ATXN1: variants seen among roughly 807,000 people sequenced by gnomAD.
ATXN1 encodes the protein ataxin 1, also known as ataxin-1.
Under a neutral mutation model 56.4 loss-of-function variants are expected in ATXN1, and 8 were observed. The observed-to-expected ratio is 0.14, with a 90% CI of 0.08 to 0.26. The LOEUF is 0.26. ATXN1 is among the 10% of genes least tolerant of loss of function. The pLI, the probability that ATXN1 is intolerant of heterozygous loss-of-function variation, is 1.00. For missense variants in ATXN1, 987 were observed against 1,106.5 expected, an observed-to-expected ratio of 0.89 and a Z score of 1.53; for synonymous variants, 514 against 494.6, an observed-to-expected ratio of 1.04 and a Z score of -0.52.
intron 2 of ATXN1, among the ~76,000 whole-genome samples, chr6:16,707,715 G>A (rs140230223): frequency 1.3e-5 from 2 of 152,280 alleles, no homozygotes; most frequent in East Asian, 1.9e-4. Flanking sequence ...AGCAGACTGA[G>A]AGAGAAGAGG....
chr6:16,380,227 T>TA (rs1762223314), intron 6 of ATXN1, among the ~76,000 whole-genome samples: 1 of 152,160 alleles, frequency 6.6e-6, no homozygotes, highest in Non-Finnish European at 1.5e-5. Context: ...CATGCATCTT[T>TA]AAGATTCATA....
rs537864855 is a variant in ATXN1, at chr6:16,300,428, G to A, written c.*5901C>T. On this transcript the variant is annotated 3_prime_UTR_variant, in exon 8 of 8. Transcript: ENST00000436367. ...TGCCTTCAACGAGAAGGGAGGGGAC[G>A]AGATTCTGAATTTAAGAATTGTAAG... The A allele has an allele frequency of 2.0e-5, 3 of 152,292 alleles. No individual in the cohort carries two copies. The highest frequency in any genetic ancestry group is 2.1e-4 in the South Asian group (1 of 4,824). The allele number at this position is 152,292 out of a possible 1,614,324, so 9.4% of individuals were successfully genotyped here.
At chr6:16,532,061 T>C (rs139432762) in intron 4 of ATXN1, among the ~76,000 whole-genome samples, 140 of 152,306 alleles carry the variant, frequency 9.2e-4, no homozygotes, top group Middle Eastern at 3.4e-3. Flanking sequence ...AAAGCAGCAA[T>C]TGAAGATACT....
chr6:16,415,890 C>CCT (rs1758895090), intron 6 of ATXN1, among the ~76,000 whole-genome samples: 1 of 152,104 alleles, frequency 6.6e-6, no homozygotes, highest in Non-Finnish European at 1.5e-5. Flanking sequence ...CTCCTCCGCG[C>CCT]CTCTGCTGGG....
Position 16,333,237 on chromosome 6 carries a change from A to G in ATXN1, c.-160-4767T>C, listed in dbSNP as rs1316276627. Among the ~76,000 whole-genome samples, 5 of 152,246 alleles carry G rather than the reference A, an allele frequency of 3.3e-5. No individual in the cohort carries two copies. The East Asian group carries it at 7.7e-4, about 23-fold the overall frequency. ...ACACAACTGCAGAGAAATATACTTTAAAAAGGCTATTATCATAAATTTTAT... is the reference window on the plus strand; with the variant it reads ...ACACAACTGCAGAGAAATATACTTTGAAAAGGCTATTATCATAAATTTTAT... On this transcript the variant is annotated intron_variant, in intron 6 of 7. Transcript: ENST00000436367.
chr6:16,734,110 A>G (rs1026158294), intron 2 of ATXN1, among the ~76,000 whole-genome samples: 1 of 152,202 alleles, frequency 6.6e-6, no homozygotes. Flanking sequence ...AAAAATGTCT[A>G]TAGACTATAG....
chr6:16,643,830 A>G (rs1763753528), intron 3 of ATXN1, among the ~76,000 whole-genome samples: 1 of 152,124 alleles, frequency 6.6e-6, no homozygotes, highest in African/African-American at 2.4e-5. Context: ...TTAAGAAGAA[A>G]AAAAAATCTG....
Position 16,299,613 on chromosome 6 carries a change from G to C in ATXN1, c.*6716C>G, listed in dbSNP as rs1158055709. Reference sequence around the variant, plus strand: ...AAGTTCTGGTGTCTGTTTTCCCTTGGCCTGTGGGAGGCATATGGTGGGTAA... The same window carrying C: ...AAGTTCTGGTGTCTGTTTTCCCTTGCCCTGTGGGAGGCATATGGTGGGTAA... On this transcript the variant is annotated 3_prime_UTR_variant, in exon 8 of 8. Transcript: ENST00000436367. The C allele has an allele frequency of 6.6e-6, 1 of 150,810 alleles. No individual in the cohort carries two copies. Among genetic ancestry groups the C allele is most frequent in the Non-Finnish European group, 1.5e-5 (1 of 68,026 alleles). The allele number at this position is 150,810 out of a possible 1,614,324, so 9.3% of individuals were successfully genotyped here. A position where few individuals can be genotyped will look rare whatever the true frequency, so the allele number is the denominator to read the frequency against.
intron 4 of ATXN1, among the ~76,000 whole-genome samples, chr6:16,582,872 A>C (rs1490504816): frequency 6.6e-6 from 1 of 152,086 alleles, no homozygotes; most frequent in Non-Finnish European, 1.5e-5. Flanking sequence ...TCAAATACCA[A>C]ATGTTCCATA....
rs1340638395 is a variant in ATXN1 at position 16,761,403 on chromosome 6, T to C, written c.-835A>G. Reference sequence around the variant, plus strand: ...TCTGGCTGCTGCTCCACGGGGCTTGTTTTGGATCCCCCTGCAGTGAAACAG... The same window carrying C: ...TCTGGCTGCTGCTCCACGGGGCTTGCTTTGGATCCCCCTGCAGTGAAACAG... On this transcript the variant is annotated 5_prime_UTR_variant, in exon 1 of 8. Coordinates refer to ENST00000436367, the MANE Select transcript of ATXN1 (RefSeq NM_001128164.2). The C allele has an allele frequency of 2.2e-6, 1 of 456,492 alleles. No individual in the cohort carries two copies. The highest frequency in any genetic ancestry group is 2.3e-5 in the Admixed American group (1 of 42,558). The allele number at this position is 456,492 out of a possible 1,614,324, so 28.3% of individuals were successfully genotyped here.
At chr6:16,369,776 T>C (rs545089772) in intron 6 of ATXN1, among the ~76,000 whole-genome samples, 31 of 152,196 alleles carry the variant, frequency 2.0e-4, no homozygotes, top group Non-Finnish European at 1.5e-4. Context: ...CTTGGGACTA[T>C]TTGCCTTGAA....
chr6:16,338,442 G>A (rs974077832), intron 6 of ATXN1, among the ~76,000 whole-genome samples: 1 of 151,766 alleles, frequency 6.6e-6, no homozygotes, highest in Admixed American at 6.6e-5. Context: ...GCAGTGAGCC[G>A]AGATCACACC....
intron 6 of ATXN1, among the ~76,000 whole-genome samples, chr6:16,330,726 ACAT>A (rs1040967522): frequency 5.9e-5 from 9 of 152,082 alleles, no homozygotes; most frequent in Non-Finnish European, 1.3e-4. Context: ...TTTTGCTCCA[ACAT>A]CATCAATGAA....
chr6:16,614,742 G>A (rs563427718), intron 3 of ATXN1, among the ~76,000 whole-genome samples: 2 of 151,462 alleles, frequency 1.3e-5, no homozygotes, highest in Non-Finnish European at 2.9e-5. Context: ...GGCGAACATG[G>A]TGAAACTCCG....
At chr6:16,521,735 A>C (rs1268678375) in intron 5 of ATXN1, among the ~76,000 whole-genome samples, 2 of 152,236 alleles carry the variant, frequency 1.3e-5, no homozygotes, top group East Asian at 3.9e-4. Flanking sequence ...GTGTACCATG[A>C]CTTCTAGCTG....
intron 6 of ATXN1, among the ~76,000 whole-genome samples, chr6:16,408,268 G>A (rs1053139269): frequency 3.9e-5 from 6 of 152,108 alleles, no homozygotes; most frequent in African/African-American, 1.4e-4. Flanking sequence ...GCAGAAACGG[G>A]AGTTGATAAT....
chr6:16,347,087 C>G (rs1210256875), intron 6 of ATXN1, among the ~76,000 whole-genome samples: 1 of 152,362 alleles, frequency 6.6e-6, no homozygotes, highest in East Asian at 1.9e-4. Context: ...GGGCAGGGCT[C>G]GGGACCTGCA....
intron 4 of ATXN1, among the ~76,000 whole-genome samples, chr6:16,555,464 C>T (rs1220247004): frequency 1.3e-5 from 2 of 152,214 alleles, no homozygotes; most frequent in Admixed American, 6.5e-5. Flanking sequence ...CCTAAACACA[C>T]CACCTAACAA....
intron 3 of ATXN1, among the ~76,000 whole-genome samples, chr6:16,622,785 G>A (rs1763341235): frequency 2.6e-5 from 4 of 152,158 alleles, no homozygotes; most frequent in Admixed American, 1.3e-4. Context: ...GGCAGAAATA[G>A]CTGGTAGCTT....
Sources: allele counts gnomAD v4.1 joint callset (sites outside exome capture counted in the v4.1 genomes callset), GRCh38; gene constraint gnomAD v4.1.1; transcripts MANE v1.5; gene names NCBI Gene and HGNC (gene_info 2026-07-23, HGNC 2026-07-21).